The following TM2D1 variants were observed in gnomAD, a reference collection of about 807,000 sequenced individuals.
The protein encoded by TM2D1 is TM2 domain containing 1, also known as TM2 domain-containing protein 1.
In TM2D1, 15 loss-of-function variants were observed where a neutral mutation model predicts 28.4. The ratio of observed to expected loss-of-function variants is 0.53; its 90% CI spans 0.35 to 0.81. TM2D1 has a LOEUF of 0.81. Among genes scored for constraint, TM2D1 ranks in the 40% least tolerant of loss-of-function variants. The pLI, the probability that TM2D1 is intolerant of heterozygous loss-of-function variation, is 0.01. For synonymous variants in TM2D1, 93 were observed against 96.2 expected, an observed-to-expected ratio of 0.97 and a Z score of 0.20; for missense variants, 236 against 254.9, an observed-to-expected ratio of 0.93 and a Z score of 0.50.
At chr1:61,709,875 A>T (rs904023402) in intron 2 of TM2D1, among the ~76,000 whole-genome samples, 1 of 152,218 alleles carries the variant, frequency 6.6e-6, no homozygotes, top group Non-Finnish European at 1.5e-5. Flanking sequence ...ACGCTTATAG[A>T]TAATTGTTGC....
chr1:61,693,272 A>T (rs543037158), intron 5 of TM2D1, among the ~76,000 whole-genome samples: 36 of 152,262 alleles, frequency 2.4e-4, no homozygotes, highest in African/African-American at 8.7e-4. Context: ...TTCAGGTATA[A>T]ATGAATCAGA....
chr1:61,724,917 T>C (rs766151850), intron 1 of TM2D1, 40 bp downstream of exon 1: 1 of 1,545,426 alleles, frequency 6.5e-7, no homozygotes, highest in Non-Finnish European at 8.8e-7. Context: ...ACCCCAACTC[T>C]ACCTCGCCTC....
chr1:61,709,321 G>T lies in TM2D1; in HGVS notation c.347+8C>A. The T allele has an allele frequency of 1.3e-6, 2 of 1,570,380 alleles. No homozygotes were observed. Among genetic ancestry groups the T allele is most frequent in the Non-Finnish European group, 1.8e-6 (2 of 1,142,556 alleles). On this transcript the variant is annotated splice_region_variant and intron_variant, in intron 3 of 6. Transcript: ENST00000606498. ...ATCTGAAAATTTAAGTTTCAGTAAT[G>T]TACTTACACATTTCGGCAAGATATG...
chr1:61,725,125 G>T lies in TM2D1; in HGVS notation c.-5C>A, dbSNP rs1394269155. The T allele has an allele frequency of 1.9e-6, 3 of 1,613,424 alleles. No homozygotes were observed. Among genetic ancestry groups the T allele is most frequent in the Non-Finnish European group, 2.5e-6 (3 of 1,179,866 alleles). On this transcript the variant is annotated 5_prime_UTR_variant, in exon 1 of 7. Coordinates refer to ENST00000606498, the MANE Select transcript of TM2D1 (RefSeq NM_032027.3). ...AGACGGCCAGGCGGCCGCCATCTTG[G>T]AGACCGACACTTTCTCGCCACTTCC...
At chr1:61,681,993 A>G (rs1391061223) in intron 6 of TM2D1, among the ~76,000 whole-genome samples, 2 of 152,164 alleles carry the variant, frequency 1.3e-5, no homozygotes, top group Non-Finnish European at 2.9e-5. Flanking sequence ...CTTACAGTTT[A>G]TAAGATTTGG....
chr1:61,715,247 C>G (rs1223728189), intron 2 of TM2D1, among the ~76,000 whole-genome samples: 1 of 152,120 alleles, frequency 6.6e-6, no homozygotes, highest in Non-Finnish European at 1.5e-5. Context: ...TAGAACTAGA[C>G]AGATTTGGAT....
chr1:61,701,063 G>A, intron 3 of TM2D1, 38 bp from the exon 4 acceptor site: 4 of 1,507,726 alleles, frequency 2.7e-6, no homozygotes, highest in Non-Finnish European at 3.6e-6. Context: ...TATTTCCAAT[G>A]TGAACATTTT....
At position 61,690,456 on chromosome 1, in the gene TM2D1, C is replaced by CAAA. The variant is rs762550068; in HGVS notation, c.513+4238_513+4240dup. Reference sequence around the variant, plus strand: ...TGAGCAATAGGGCAAGACTCAGTCTCAAAAAAAAAAAAAAAAAAAAAAAAA... The same window carrying CAAA: ...TGAGCAATAGGGCAAGACTCAGTCTCAAAAAAAAAAAAAAAAAAAAAAAAAAAA... On this transcript the variant is annotated intron_variant, in intron 5 of 6. Coordinates refer to ENST00000606498, the MANE Select transcript of TM2D1 (RefSeq NM_032027.3). 3.1e-3 allele frequency among the ~76,000 whole-genome samples: 185 copies of CAAA among 60,028 alleles called. 2 individuals carry two copies. Among genetic ancestry groups the CAAA allele is most frequent in the African/African-American group, 9.9e-3 (155 of 15,666 alleles). The allele number at this position is 60,028 out of a possible 152,430, so 39.4% of individuals were successfully genotyped here.
At chr1:61,686,914 C>A (rs1570093907) in intron 5 of TM2D1, 4 of 972,444 alleles carry the variant, frequency 4.1e-6, no homozygotes, top group Admixed American at 6.2e-5. Flanking sequence ...CAGAGCAAGA[C>A]CCTGTCTCTA....
chr1:61,723,104 A>G (rs1644580183), intron 2 of TM2D1, among the ~76,000 whole-genome samples: 1 of 152,238 alleles, frequency 6.6e-6, no homozygotes, highest in African/African-American at 2.4e-5. Context: ...AAATAAATTC[A>G]TAAACATGTA....
At chr1:61,709,993 G>C (rs966665906) in intron 2 of TM2D1, among the ~76,000 whole-genome samples, 10 of 152,092 alleles carry the variant, frequency 6.6e-5, no homozygotes, top group African/African-American at 2.4e-4. Flanking sequence ...CTCATAACCA[G>C]ATGACATAAG....
At chr1:61,696,471 G>A (rs1162880380) in intron 4 of TM2D1, among the ~76,000 whole-genome samples, 6 of 151,698 alleles carry the variant, frequency 4.0e-5, no homozygotes, top group East Asian at 3.9e-4. Context: ...CCTGGGAGAC[G>A]GAGGTTGCAG....
In TM2D1 at chr1:61,725,033, T is replaced by C. The variant is rs1644595621; in HGVS notation, c.88A>G (p.Thr30Ala). The part of the protein sequence containing the change: ...VGVLWFVSVT[T>A]GPWGAVATSA... ...GTGGCAACAGCCCCCCAGGGTCCTG[T>C]AGTGACTGAGACGAACCACAGGACA... The change falls in exon 1 of 7, where the codon ACA becomes GCA. Residue 30 changes from threonine to alanine, a missense_variant. Thr to Ala is a moderately conservative substitution (Grantham distance 58). Coordinates refer to ENST00000606498, the MANE Select transcript of TM2D1 (RefSeq NM_032027.3). 2.5e-6 allele frequency: 4 copies of C among 1,613,988 alleles called. No homozygotes were observed. Among genetic ancestry groups the C allele is most frequent in the South Asian group, 1.1e-5 (1 of 91,092 alleles).
intron 4 of TM2D1, 128 bp from the exon 5 acceptor site, chr1:61,694,898 C>A: frequency 2.2e-6 from 1 of 453,016 alleles, no homozygotes; most frequent in Non-Finnish European, 3.8e-6. Context: ...ATAAAAGTAA[C>A]ACTTAAAGAA....
At chr1:61,685,927 T>C (rs747720177) in intron 5 of TM2D1, among the ~76,000 whole-genome samples, 24 of 152,166 alleles carry the variant, frequency 1.6e-4, no homozygotes, top group Non-Finnish European at 2.2e-4. Flanking sequence ...GTAGGAGGAT[T>C]GCTTGAGCCC....
In TM2D1 at chr1:61,725,051, A is replaced by C; in HGVS notation, c.70T>G (p.Trp24Gly). The C allele has an allele frequency of 1.2e-6, 2 of 1,613,972 alleles. No individual in the cohort carries two copies. The highest frequency in any genetic ancestry group is 8.5e-7 in the Non-Finnish European group (1 of 1,179,888). The stretch of plus-strand genomic sequence containing the variant: ...GGTCCTGTAGTGACTGAGACGAACC[A>C]CAGGACACCAACGAGTCTGGCCGTC... The part of the protein sequence containing the change: ...AVTARLVGVL[W>G]FVSVTTGPWG... Residue 24 changes from tryptophan to glycine, a missense_variant, in exon 1 of 7, where the codon TGG (tryptophan) becomes GGG (glycine). Trp to Gly is a radical substitution (Grantham distance 184). Around this residue, in one of 3 missense-constraint regions of TM2D1, gnomAD observed 167 missense variants for 162.7 expected, o/e 1.03. Transcript: ENST00000606498.
chr1:61,684,527 T>C (rs1268503712), intron 5 of TM2D1, among the ~76,000 whole-genome samples: 2 of 152,196 alleles, frequency 1.3e-5, no homozygotes, highest in East Asian at 1.9e-4. Flanking sequence ...GCTCAAAATA[T>C]TGGATTTAGG....
At chr1:61,691,941 ATATATATATATATATATATG>A (rs1644330606) in intron 5 of TM2D1, among the ~76,000 whole-genome samples, 3 of 117,658 alleles carry the variant, frequency 2.5e-5, no homozygotes, top group Non-Finnish European at 3.7e-5. Flanking sequence ...AAATATATAT[ATATATATATATATATATATG>A]TATATATATA....
At chr1:61,704,000 C>A (rs947238360) in intron 3 of TM2D1, among the ~76,000 whole-genome samples, 1 of 151,750 alleles carries the variant, frequency 6.6e-6, no homozygotes, top group African/African-American at 2.4e-5. Flanking sequence ...AGGTGATCCA[C>A]CCACCTTGGC....
Sources: gnomAD v4.1 joint callset for allele counts (sites outside exome capture counted in the v4.1 genomes callset) on GRCh38, gnomAD v4.1.1 for gene constraint, gnomAD v4.1.1 regional missense constraint, MANE v1.5 for transcripts, NCBI Gene and HGNC (gene_info 2026-07-23, HGNC 2026-07-21) for gene names.